Variants in ELMOD1 observed in about 807,000 individuals in gnomAD.
ELMOD1 encodes ELMO domain containing 1, also known as ELMO domain-containing protein 1.
In ELMOD1, 21 loss-of-function variants were observed where a neutral mutation model predicts 46.7. That is an observed-to-expected ratio of 0.45 (90% CI 0.32 to 0.65). The LOEUF (loss-of-function observed/expected upper bound fraction) is 0.65, where lower values mean the gene tolerates loss of function less well. Among genes scored for constraint, ELMOD1 ranks in the 30% least tolerant of loss-of-function variants. The pLI is 0.04. For synonymous variants in ELMOD1, 122 were observed against 138.2 expected, an observed-to-expected ratio of 0.88 and a Z score of 0.82; for missense variants, 348 against 407.8, an observed-to-expected ratio of 0.85 and a Z score of 1.26.
At chr11:107,644,155 G>T (rs970716485) in intron 6 of ELMOD1, among the ~76,000 whole-genome samples, 2 of 151,898 alleles carry the variant, frequency 1.3e-5, no homozygotes, top group African/African-American at 4.8e-5. Context: ...AATGAGCTGG[G>T]CATGGTGGTA....
At chr11:107,659,604 C>G (rs12800574) in intron 11 of ELMOD1, among the ~76,000 whole-genome samples, 1 of 126,666 alleles carries the variant, frequency 7.9e-6, no homozygotes. Flanking sequence ...CAGCACAAAG[C>G]CTGGTACAGG....
chr11:107,635,191 C>A (rs1939896), intron 5 of ELMOD1, among the ~76,000 whole-genome samples: 38,070 of 152,026 alleles, frequency 0.25, 4,928 homozygotes, highest in Middle Eastern at 0.32. Flanking sequence ...TCTGATATGA[C>A]CACCTGGGGG....
At chr11:107,617,176 A>G (rs888590826) in intron 1 of ELMOD1, among the ~76,000 whole-genome samples, 8 of 152,180 alleles carry the variant, frequency 5.3e-5, no homozygotes, top group Non-Finnish European at 1.2e-4. Flanking sequence ...TTTTTCAAGC[A>G]TGTATGGAAT....
intron 2 of ELMOD1, among the ~76,000 whole-genome samples, chr11:107,622,243 T>C (rs1401506495): frequency 6.6e-6 from 1 of 152,104 alleles, no homozygotes; most frequent in Non-Finnish European, 1.5e-5. Context: ...GGATAGAAGA[T>C]GTGGGATGCT....
At chr11:107,599,755 A>AAAAAAAAAAAAG (rs1555058610) in intron 1 of ELMOD1, among the ~76,000 whole-genome samples, 5 of 138,820 alleles carry the variant, frequency 3.6e-5, no homozygotes, top group African/African-American at 1.5e-4. Flanking sequence ...AAAAAAAGAA[A>AAAAAAAAAAAAG]AAAAGAAAAG....
Position 107,635,761 on chromosome 11 carries a change from T to G in ELMOD1, c.416T>G (p.Leu139Trp). The G allele has an allele frequency of 1.2e-6, 2 of 1,612,900 alleles. No homozygotes were observed. ...SDNPQHEEML[L>W]KLWKFLKPNT... is the part of the protein sequence containing the mutation. ...AATCCCCAACATGAAGAAATGCTTTTGAAGGTTAGTGCTTGAACACATTTC... is the reference window on the plus strand; with the variant it reads ...AATCCCCAACATGAAGAAATGCTTTGGAAGGTTAGTGCTTGAACACATTTC... The change falls in exon 6 of 12, where the codon TTG becomes TGG. Residue 139 changes from leucine (L) to tryptophan (W), a missense_variant. Physicochemically the swap from Leu to Trp is moderately conservative, Grantham distance 61. Transcript: ENST00000265840.
chr11:107,629,882 G>T (rs1047816362), intron 2 of ELMOD1, among the ~76,000 whole-genome samples: 26 of 152,126 alleles, frequency 1.7e-4, no homozygotes, highest in African/African-American at 6.3e-4. Flanking sequence ...CCTCAAGGAG[G>T]TCTGCAATGC....
chr11:107,645,127 C>T (rs1423782691), intron 6 of ELMOD1, among the ~76,000 whole-genome samples: 2 of 127,560 alleles, frequency 1.6e-5, no homozygotes, highest in South Asian at 5.0e-4. Context: ...TTTGTAGAGA[C>T]GGAGTTTCAC....
At chr11:107,653,478 C>T (rs1463912035) in intron 9 of ELMOD1, 1 of 152,046 alleles carries the variant, frequency 6.6e-6, no homozygotes, top group African/African-American at 2.4e-5. Flanking sequence ...CTTAGCTTAG[C>T]CCAAAGAAAT....
At chr11:107,616,915 C>T (rs963578409) in intron 1 of ELMOD1, among the ~76,000 whole-genome samples, 4 of 152,132 alleles carry the variant, frequency 2.6e-5, no homozygotes, top group South Asian at 4.1e-4. Flanking sequence ...AATTATGATC[C>T]GAGTGTTGGG....
chr11:107,594,430 G>A (rs888930121), intron 1 of ELMOD1, among the ~76,000 whole-genome samples: 4 of 152,146 alleles, frequency 2.6e-5, no homozygotes, highest in African/African-American at 7.2e-5. Flanking sequence ...TTGCCAATGG[G>A]AATGGAAGAG....
chr11:107,619,877 A>G (rs1865919246), intron 2 of ELMOD1, among the ~76,000 whole-genome samples: 1 of 152,064 alleles, frequency 6.6e-6, no homozygotes, highest in African/African-American at 2.4e-5. Context: ...TGTATATTTT[A>G]TAAATATTAT....
chr11:107,645,425 GC>G (rs1476424603), intron 6 of ELMOD1, among the ~76,000 whole-genome samples: 8 of 152,150 alleles, frequency 5.3e-5, no homozygotes, highest in Admixed American at 6.5e-5. Flanking sequence ...CTGGGTTCAA[GC>G]AATTCTCCTG....
chr11:107,650,425 T>C (rs374759236), intron 8 of ELMOD1, 22 bp downstream of exon 8: 446 of 1,526,556 alleles, frequency 2.9e-4, no homozygotes, highest in Non-Finnish European at 3.7e-4. Flanking sequence ...AAGTAAAAGA[T>C]GAATTAGGTT....
At chr11:107,653,848 T>G in intron 9 of ELMOD1, 2 of 232,608 alleles carry the variant, frequency 8.6e-6, no homozygotes, top group Non-Finnish European at 1.7e-5. Context: ...CAGGAGAGAG[T>G]GAGGCGACAT....
chr11:107,622,053 C>G (rs1865959436), intron 2 of ELMOD1, among the ~76,000 whole-genome samples: 1 of 152,080 alleles, frequency 6.6e-6, no homozygotes, highest in African/African-American at 2.4e-5. Flanking sequence ...TGAGACGTCT[C>G]TGTTCCAAAG....
intron 1 of ELMOD1, among the ~76,000 whole-genome samples, chr11:107,611,429 G>T (rs1865777902): frequency 6.6e-6 from 1 of 152,104 alleles, no homozygotes; most frequent in Admixed American, 6.6e-5. Context: ...GGCTGGGTGT[G>T]GTGGCTCATG....
intron 2 of ELMOD1, among the ~76,000 whole-genome samples, chr11:107,623,039 T>C (rs1326063072): frequency 6.6e-6 from 1 of 152,192 alleles, no homozygotes; most frequent in Non-Finnish European, 1.5e-5. Flanking sequence ...GTTTGTTACA[T>C]ATGTATACAT....
At chr11:107,632,815 G>C (rs1358364647) in intron 5 of ELMOD1, among the ~76,000 whole-genome samples, 1 of 152,132 alleles carries the variant, frequency 6.6e-6, no homozygotes, top group African/African-American at 2.4e-5. Context: ...TCTTTTCTAT[G>C]AAAGTTATAT....
Sources: gnomAD v4.1 joint callset for allele counts (sites outside exome capture counted in the v4.1 genomes callset) on GRCh38, gnomAD v4.1.1 for gene constraint, MANE v1.5 for transcripts, NCBI Gene and HGNC (gene_info 2026-07-23, HGNC 2026-07-21) for gene names.